WDPCP: variants seen among roughly 807,000 people sequenced by gnomAD.
WDPCP encodes the protein WD repeat containing planar cell polarity effector.
Under a neutral mutation model 93.1 loss-of-function variants are expected in WDPCP, and 71 were observed. The ratio of observed to expected loss-of-function variants is 0.76; its 90% CI spans 0.63 to 0.93. The LOEUF is 0.93. Among genes scored for constraint, WDPCP ranks in the 40% least tolerant of loss-of-function variants. The pLI is 0.00. For missense variants in WDPCP, 844 were observed against 887.4 expected, an observed-to-expected ratio of 0.95 and a Z score of 0.62; for synonymous variants, 315 against 315.0, an observed-to-expected ratio of 1.00 and a Z score of 0.00.
chr2:63,123,078 A>G (rs958546151), intron 17 of WDPCP, among the ~76,000 whole-genome samples: 1 of 151,158 alleles, frequency 6.6e-6, no homozygotes, highest in Admixed American at 6.6e-5. Context: ...AAAAACAGGT[A>G]GCAAGAAGAA....
At chr2:63,794,898 A>G (rs1161203654) in intron 2 of WDPCP, among the ~76,000 whole-genome samples, 2 of 152,176 alleles carry the variant, frequency 1.3e-5, no homozygotes, top group South Asian at 2.1e-4. Flanking sequence ...TTTCTACCCA[A>G]TATTTATTCA....
In WDPCP at chr2:63,575,467, G is replaced by GTATATACAGCGTATGTACTGTATATA. The variant is rs1558832897; in HGVS notation, c.75+12729_75+12730insTATATACAGTACATACGCTGTATATA. Among the ~76,000 whole-genome samples, 2 of 6,842 alleles carry GTATATACAGCGTATGTACTGTATATA rather than the reference G, an allele frequency of 2.9e-4. 1 individual carries two copies. The highest frequency in any genetic ancestry group is 5.0e-4 in the Non-Finnish European group (2 of 4,006). 4.5% of individuals were successfully genotyped at this position (6,842 alleles called of 152,430 possible). ...TATACACTGTATATACAGTATATAT[G>GTATATACAGCGTATGTACTGTATATA]CAGTATATACAGTGTATATATAGTA... On this transcript the variant is annotated intron_variant, in intron 1 of 17. Transcript: ENST00000272321.
chr2:63,692,425 T>C (rs1238048756), intron 2 of WDPCP, among the ~76,000 whole-genome samples: 2 of 152,174 alleles, frequency 1.3e-5, no homozygotes, highest in Non-Finnish European at 2.9e-5. Flanking sequence ...TTTCAAGAAG[T>C]TCATCATGAA....
At chr2:63,283,090 CCTGA>C (rs565073137) in intron 13 of WDPCP, among the ~76,000 whole-genome samples, 279 of 152,196 alleles carry the variant, frequency 1.8e-3, no homozygotes, top group African/African-American at 2.7e-3. Flanking sequence ...GATATAGTGG[CCTGA>C]CTGTGTATCA....
rs199546651 is a variant in WDPCP at position 63,220,550 on chromosome 2, G to GT, written c.1915+38756dup. Reference sequence around the variant, plus strand: ...AGAAGGTTTACTCTGAGTCGTTGTAGTTTTTTTTTGTCTGAAGTTCTTTCT... The same window carrying GT: ...AGAAGGTTTACTCTGAGTCGTTGTAGTTTTTTTTTTGTCTGAAGTTCTTTCT... On this transcript the variant is annotated intron_variant, in intron 14 of 17. Transcript: ENST00000272321. Among the ~76,000 whole-genome samples, 16 of 150,336 alleles carry GT rather than the reference G, an allele frequency of 1.1e-4. No homozygotes were observed. In the South Asian group the frequency reaches 2.0e-3, roughly 18 times the overall value.
At chr2:63,706,605 T>C (rs978878034) in intron 2 of WDPCP, among the ~76,000 whole-genome samples, 15 of 129,174 alleles carry the variant, frequency 1.2e-4, no homozygotes, top group Middle Eastern at 3.6e-3. Flanking sequence ...CTTTTCTTTT[T>C]TTTTTTTTTT....
intron 2 of WDPCP, among the ~76,000 whole-genome samples, chr2:63,800,941 C>T (rs997413699): frequency 1.3e-5 from 2 of 152,032 alleles, no homozygotes; most frequent in African/African-American, 4.8e-5. Flanking sequence ...GTAGTCCCAG[C>T]TACTCCGGAG....
chr2:63,161,138 C>G (rs1448713931), intron 15 of WDPCP, among the ~76,000 whole-genome samples: 1 of 152,174 alleles, frequency 6.6e-6, no homozygotes, highest in African/African-American at 2.4e-5. Context: ...CTACATGATG[C>G]TGTGGAAGTG....
At chr2:63,583,729 G>A (rs1205297045) in intron 1 of WDPCP, among the ~76,000 whole-genome samples, 1 of 151,732 alleles carries the variant, frequency 6.6e-6, no homozygotes, top group Non-Finnish European at 1.5e-5. Flanking sequence ...AGTTATTTTA[G>A]GGTACTAGTG....
the WDPCP span, among the ~76,000 whole-genome samples, chr2:63,839,819 G>A: frequency 2.0e-5 from 3 of 152,140 alleles, no homozygotes; most frequent in Non-Finnish European, 4.4e-5. Context: ...CACTTGTTTT[G>A]TCTGGGGAAA....
At chr2:63,670,126 C>T (rs1900303) in intron 2 of WDPCP, among the ~76,000 whole-genome samples, 120,160 of 152,040 alleles carry the variant, frequency 0.79, 47,998 homozygotes, top group East Asian at 0.98. Context: ...CAATCTGTAA[C>T]GTTGATAAAA....
At chr2:63,712,775 T>A (rs1669281379) in intron 2 of WDPCP, among the ~76,000 whole-genome samples, 1 of 152,222 alleles carries the variant, frequency 6.6e-6, no homozygotes, top group Non-Finnish European at 1.5e-5. Flanking sequence ...GTGTTCTCAT[T>A]AATCTGTTTC....
intron 3 of WDPCP, among the ~76,000 whole-genome samples, chr2:63,640,076 T>C (rs1709964322): frequency 6.6e-6 from 1 of 152,214 alleles, no homozygotes; most frequent in South Asian, 2.1e-4. Context: ...TGGCGCGATC[T>C]CTGCTCACTG....
At chr2:63,560,257 T>C (rs530504175) in intron 1 of WDPCP, among the ~76,000 whole-genome samples, 101 of 151,920 alleles carry the variant, frequency 6.6e-4, no homozygotes, top group Non-Finnish European at 1.3e-3. Context: ...AAAATTCATA[T>C]GGAACCAAAA....
rs1710015728 is a variant in WDPCP at position 63,643,986 on chromosome 2, C to A, written n.488+6673G>T. The stretch of plus-strand genomic sequence containing the variant: ...GGAGTAAACACACCAATCAATTTAT[C>A]CAGCATCCAATGCTTTGGAGCTGGT... On this transcript the variant is annotated intron_variant and non_coding_transcript_variant, in intron 3 of 4. Coordinates refer to the WDPCP transcript ENST00000467687. 6.3e-6 allele frequency: 3 copies of A among 477,048 alleles called. No individual in the cohort carries two copies. The Admixed American group carries it at 6.5e-5, about 10-fold the overall frequency. The allele number at this position is 477,048 out of a possible 1,614,324, so 29.6% of individuals were successfully genotyped here. A position where few individuals can be genotyped will look rare whatever the true frequency, so the allele number is the denominator to read the frequency against.
intron 14 of WDPCP, among the ~76,000 whole-genome samples, chr2:63,231,501 T>C (rs1025401918): frequency 3.9e-5 from 6 of 152,144 alleles, no homozygotes; most frequent in Admixed American, 3.9e-4. Flanking sequence ...ACAAAATCAA[T>C]GTGCAAAAAT....
intron 15 of WDPCP, among the ~76,000 whole-genome samples, chr2:63,169,797 A>G (rs150088320): frequency 6.6e-6 from 1 of 151,540 alleles, no homozygotes; most frequent in Non-Finnish European, 1.5e-5. Context: ...GTTTTTAATT[A>G]AGTTTTATTA....
chr2:63,121,101 A>C lies in WDPCP; in HGVS notation c.*905T>G, dbSNP rs1669523534. Among the ~76,000 whole-genome samples, 1 of 152,120 alleles carries C rather than the reference A, an allele frequency of 6.6e-6. No homozygotes were observed. ...GGGCTAGATGACACCTGCACACTCA[A>C]TGGGCAGTGTAAAGGAGAGGCATTC... On this transcript the variant is annotated 3_prime_UTR_variant, in exon 18 of 18. Coordinates refer to ENST00000272321, the MANE Select transcript of WDPCP (RefSeq NM_015910.7).
In WDPCP at chr2:63,520,800, G is replaced by A. The variant is rs143090582; in HGVS notation, c.76-27860C>T. On this transcript the variant is annotated intron_variant, in intron 1 of 17. Coordinates refer to ENST00000272321, the MANE Select transcript of WDPCP (RefSeq NM_015910.7). ...GGTCCCAGCTACTCAGAAGGCTGAG[G>A]TGGGAGGATCACATGAGCCTGGGGA... 7.7e-3 allele frequency among the ~76,000 whole-genome samples: 1,170 copies of A among 151,904 alleles called. 13 individuals are homozygous for A. The highest frequency in any genetic ancestry group is 0.023 in the African/African-American group (956 of 41,432).
Sources: gnomAD v4.1 joint callset for allele counts (sites outside exome capture counted in the v4.1 genomes callset) on GRCh38, gnomAD v4.1.1 for gene constraint, MANE v1.5 for transcripts, NCBI Gene and HGNC (gene_info 2026-07-23, HGNC 2026-07-21) for gene names.